Variants in BSDC1 observed in about 807,000 individuals in gnomAD.
BSDC1 encodes the protein BSD domain containing 1.
A neutral mutation model predicts 56.0 loss-of-function variants in BSDC1; 29 were observed. The observed-to-expected ratio is 0.52, with a 90% CI of 0.39 to 0.71. The LOEUF is 0.71. Ranked by LOEUF, BSDC1 falls within the 30% of genes least tolerant of loss-of-function variation. BSDC1 has a pLI of 0.00. For missense variants in BSDC1, 477 were observed against 548.5 expected, an observed-to-expected ratio of 0.87 and a Z score of 1.30; for synonymous variants, 210 against 215.3, an observed-to-expected ratio of 0.98 and a Z score of 0.21.
chr1:32,369,289 A>T, intron 9 of BSDC1: 1 of 1,289,746 alleles, frequency 7.8e-7, no homozygotes, highest in Non-Finnish European at 1.0e-6. Context: ...GCTCCAAGAG[A>T]GTCACAGAAA....
intron 10 of BSDC1, chr1:32,368,068 C>A: frequency 8.3e-7 from 1 of 1,207,806 alleles, no homozygotes; most frequent in Non-Finnish European, 1.0e-6. Flanking sequence ...AATGGGGTCT[C>A]ACTATATTGG....
chr1:32,379,250 T>C (rs1032899615), intron 5 of BSDC1, among the ~76,000 whole-genome samples: 1 of 152,066 alleles, frequency 6.6e-6, no homozygotes, highest in African/African-American at 2.4e-5. Flanking sequence ...TCCTTTGTTA[T>C]TTTCCTCCAC....
chr1:32,369,387 G>C (rs1234365002), intron 9 of BSDC1: 6 of 944,066 alleles, frequency 6.4e-6, no homozygotes, highest in Non-Finnish European at 8.8e-6. Context: ...CACACCTAAG[G>C]AGTCCCAGCT....
chr1:32,377,226 C>T (rs886786604), intron 8 of BSDC1, among the ~76,000 whole-genome samples: 7 of 152,206 alleles, frequency 4.6e-5, no homozygotes, highest in African/African-American at 1.7e-4. Context: ...AGTCAAAGTC[C>T]TGTTTAGCCC....
rs1440844498 is a variant in BSDC1 at position 32,366,415 on chromosome 1, A to AC, written c.*206_*207insG. On this transcript the variant is annotated 3_prime_UTR_variant, in exon 11 of 11. Transcript: ENST00000455895. Reference sequence around the variant, plus strand: ...GGTCATCCTATTGTTGGCACAAGTCAGAGTTTCTGGCCGGGATTTAGAGAG... The same window carrying AC: ...GGTCATCCTATTGTTGGCACAAGTCACGAGTTTCTGGCCGGGATTTAGAGAG... 1.4e-6 allele frequency: 1 copy of AC among 705,564 alleles called. No homozygotes were observed. Among genetic ancestry groups the AC allele is most frequent in the South Asian group, 1.5e-5 (1 of 66,784 alleles). The allele number at this position is 705,564 out of a possible 1,614,324, so 43.7% of individuals were successfully genotyped here.
chr1:32,380,231 C>A (rs1021286788), intron 5 of BSDC1, among the ~76,000 whole-genome samples: 3 of 152,228 alleles, frequency 2.0e-5, no homozygotes, highest in African/African-American at 4.8e-5. Flanking sequence ...CTCATACGCA[C>A]CCTTTAACCC....
chr1:32,369,015 T>G (rs776667329), intron 9 of BSDC1, among the ~76,000 whole-genome samples: 9 of 152,194 alleles, frequency 5.9e-5, no homozygotes, highest in Non-Finnish European at 1.3e-4. Flanking sequence ...TTTAAGAATC[T>G]ATTCTAAGGA....
rs1422147408 is a variant in BSDC1 at position 32,383,725 on chromosome 1, T to C, written c.357+105A>G. 1.1e-4 allele frequency: 99 copies of C among 895,644 alleles called. No homozygotes were observed. In the South Asian group the frequency reaches 1.6e-3, roughly 14 times the overall value. The allele number at this position is 895,644 out of a possible 1,614,324, so 55.5% of individuals were successfully genotyped here. A position where few individuals can be genotyped will look rare whatever the true frequency, so the allele number is the denominator to read the frequency against. On this transcript the variant is annotated intron_variant, in intron 4 of 10. Transcript: ENST00000455895. The stretch of plus-strand genomic sequence containing the variant: ...ATTTACTATTAATAATATACCCATA[T>C]TTATTTTTTGGCCTGAACATGGGCT...
chr1:32,383,351 GT>G (rs1478007911), intron 4 of BSDC1, among the ~76,000 whole-genome samples: 1 of 151,860 alleles, frequency 6.6e-6, no homozygotes, highest in Non-Finnish European at 1.5e-5. Flanking sequence ...GGAGACTGAG[GT>G]GGAAGGACCC....
intron 4 of BSDC1, among the ~76,000 whole-genome samples, chr1:32,381,718 G>C (rs1169455760): frequency 6.6e-6 from 1 of 152,154 alleles, no homozygotes; most frequent in Non-Finnish European, 1.5e-5. Flanking sequence ...AGGATCACAG[G>C]GTGGCAAACT....
intron 4 of BSDC1, among the ~76,000 whole-genome samples, chr1:32,382,887 AAAG>A (rs1265738361): frequency 8.7e-5 from 13 of 149,430 alleles, no homozygotes; most frequent in South Asian, 4.2e-4. Context: ...AAAAAAAAAA[AAAG>A]AAGAAGAAAA....
intron 8 of BSDC1, 68 bp from the exon 9 acceptor site, chr1:32,376,809 C>A (rs951102518): frequency 3.0e-6 from 4 of 1,314,746 alleles, no homozygotes; most frequent in African/African-American, 3.0e-5. Context: ...AACCTTGGAG[C>A]TCTCAAGTTC....
At chr1:32,385,449 A>C (rs1198683800) in intron 3 of BSDC1, among the ~76,000 whole-genome samples, 1 of 152,212 alleles carries the variant, frequency 6.6e-6, no homozygotes, top group African/African-American at 2.4e-5. Flanking sequence ...CAAACAAGCC[A>C]GGCACGGTGG....
rs1375400938 is a variant in BSDC1 at position 32,366,545 on chromosome 1, G to A, written c.*77C>T. Reference sequence around the variant, plus strand: ...GAGGAGATTTGGGGGAACATTCTCAGTCTTCCAGGGCTGGGCTGAGACGAG... The same window carrying A: ...GAGGAGATTTGGGGGAACATTCTCAATCTTCCAGGGCTGGGCTGAGACGAG... On this transcript the variant is annotated 3_prime_UTR_variant, in exon 11 of 11. Transcript: ENST00000455895. 8 of 1,338,772 alleles carry A rather than the reference G, an allele frequency of 6.0e-6. No homozygotes were observed. The highest frequency in any genetic ancestry group is 2.0e-5 in the Admixed American group (1 of 50,662). 82.9% of individuals were successfully genotyped at this position (1,338,772 alleles called of 1,614,324 possible). A position where few individuals can be genotyped will look rare whatever the true frequency, so the allele number is the denominator to read the frequency against.
At chr1:32,380,938 A>G (rs985954669) in intron 5 of BSDC1, among the ~76,000 whole-genome samples, 1 of 152,034 alleles carries the variant, frequency 6.6e-6, no homozygotes, top group Non-Finnish European at 1.5e-5. Flanking sequence ...AGCTGAAGAG[A>G]AGGCAAGGGG....
rs1008165098 is a variant in BSDC1, at chr1:32,366,121, C to G, written c.*501G>C. Reference sequence around the variant, plus strand: ...GCAAATTTCCCAGAGATAAGTGCCTCTTACCCACTGGGATAGGAACCAAAA... The same window carrying G: ...GCAAATTTCCCAGAGATAAGTGCCTGTTACCCACTGGGATAGGAACCAAAA... On this transcript the variant is annotated 3_prime_UTR_variant, in exon 11 of 11. Coordinates refer to ENST00000455895, the MANE Select transcript of BSDC1 (RefSeq NM_018045.8). The G allele has an allele frequency of 5.6e-6, 1 of 178,156 alleles. No individual in the cohort carries two copies. Among genetic ancestry groups the G allele is most frequent in the Non-Finnish European group, 1.2e-5 (1 of 83,240 alleles). 11.0% of individuals were successfully genotyped at this position (178,156 alleles called of 1,614,324 possible).
chr1:32,381,313 G>A (rs778016673), intron 4 of BSDC1, 45 bp from the exon 5 acceptor site: 2 of 1,576,522 alleles, frequency 1.3e-6, no homozygotes, highest in African/African-American at 2.7e-5. Flanking sequence ...TGAGATACTG[G>A]GCATAGAAAG....
At chr1:32,376,144 T>C (rs905151819) in intron 9 of BSDC1, 118 bp downstream of exon 9, 4 of 1,168,250 alleles carry the variant, frequency 3.4e-6, no homozygotes, top group African/African-American at 3.0e-5. Context: ...CTGTCATCAT[T>C]ATCAGAAACG....
chr1:32,377,935 G>T, intron 8 of BSDC1, 35 bp downstream of exon 8: 1 of 1,586,486 alleles, frequency 6.3e-7, no homozygotes, highest in Non-Finnish European at 8.6e-7. Context: ...CCGCACAGAT[G>T]TGACACTTGC....
Sources: allele counts gnomAD v4.1 joint callset (sites outside exome capture counted in the v4.1 genomes callset), GRCh38; gene constraint gnomAD v4.1.1; transcripts MANE v1.5; gene names NCBI Gene and HGNC (gene_info 2026-07-23, HGNC 2026-07-21).